Variants in CUL9 observed in about 807,000 individuals in gnomAD.
CUL9 encodes cullin-9.
CUL9 carries 79 observed loss-of-function variants against 272.6 expected under a neutral mutation model. The ratio of observed to expected loss-of-function variants is 0.29; its 90% CI spans 0.24 to 0.35. The LOEUF (loss-of-function observed/expected upper bound fraction) is 0.35, where lower values mean the gene tolerates loss of function less well. Ranked by LOEUF, CUL9 falls within the 10% of genes least tolerant of loss-of-function variation. The pLI is 1.00. For missense variants in CUL9, 2,532 were observed against 3,255.6 expected (o/e 0.78, Z 5.41); for synonymous variants, 1,186 against 1,286.5 (o/e 0.92, Z 1.67).
intron 2 of CUL9, 135 bp downstream of exon 2, chr6:43,185,040 A>G: frequency 1.4e-6 from 1 of 705,864 alleles, no homozygotes; most frequent in Non-Finnish European, 2.3e-6. Flanking sequence ...AGGAAAAAAT[A>G]TAGATTAATA....
intron 1 of CUL9, among the ~76,000 whole-genome samples, chr6:43,182,940 C>G (rs1431400062): frequency 2.0e-5 from 3 of 152,210 alleles, no homozygotes; most frequent in African/African-American, 4.8e-5. Context: ...CCTACCTTCT[C>G]CATCTAAGAA....
Position 43,184,985 on chromosome 6 carries a change from C to G in CUL9, c.595+80C>G, listed in dbSNP as rs41274930. 8.4e-6 allele frequency: 9 copies of G among 1,075,324 alleles called. No homozygotes were observed. The South Asian group carries it at 1.5e-4, about 17-fold the overall frequency. The allele number at this position is 1,075,324 out of a possible 1,614,324, so 66.6% of individuals were successfully genotyped here. ...ATAAGAAAGAGGAGAGATTTCCTAG[C>G]TCTGTAAGAACACCTAGTATTTGGT... On this transcript the variant is annotated intron_variant, in intron 2 of 40. Transcript: ENST00000252050. The surrounding 1 kb of genome is among the most constrained non-coding windows in gnomAD (Gnocchi z 4.8).
At chr6:43,190,678 G>A (rs1213967209) in intron 8 of CUL9, among the ~76,000 whole-genome samples, 1 of 152,014 alleles carries the variant, frequency 6.6e-6, no homozygotes, top group African/African-American at 2.4e-5. Flanking sequence ...CCATGGAAGG[G>A]GATATGTATT....
In CUL9 at chr6:43,187,840, C is replaced by T; in HGVS notation, c.1709C>T (p.Thr570Ile). ...LNDLLNSQIY[T>I]KYGLLSNEPS... ...GACCTGCTCAACTCCCAGATCTACA[C>T]CAAGTATGGGCTGCTGTCTAATGAA... Residue 570 changes from threonine (T) to isoleucine (I), a missense_variant, in exon 7 of 41, where the codon ACC (threonine) becomes ATC (isoleucine). Transcript: ENST00000252050. 6.2e-7 allele frequency: 1 copy of T among 1,614,010 alleles called. No homozygotes were observed. The highest frequency in any genetic ancestry group is 8.5e-7 in the Non-Finnish European group (1 of 1,179,998).
intron 31 of CUL9, among the ~76,000 whole-genome samples, chr6:43,219,855 G>C (rs1161737636): frequency 1.3e-5 from 2 of 152,166 alleles, no homozygotes; most frequent in Non-Finnish European, 2.9e-5. Context: ...GCCTGATTTA[G>C]GATGGGGGAG....
intron 8 of CUL9, among the ~76,000 whole-genome samples, chr6:43,191,481 A>ATTTTTTTTTTTTTTTTTTTTTTTTTT (rs34090146): frequency 5.7e-4 from 56 of 97,430 alleles, no homozygotes; most frequent in Middle Eastern, 5.5e-3. Context: ...CACCCAGCTA[A>ATTTTTTTTTTTTTTTTTTTTTTTTTT]TTTTTTTTTT....
In CUL9 at chr6:43,220,725, C is replaced by A. The variant is rs368071698; in HGVS notation, c.6424-22C>A. ...ATCCTGGAGAGCCATACCCTCACCTCGTGGCACCTGCGTCTCCACAGTATG... is the reference window on the plus strand; with the variant it reads ...ATCCTGGAGAGCCATACCCTCACCTAGTGGCACCTGCGTCTCCACAGTATG... On this transcript the variant is annotated intron_variant, in intron 32 of 40. Transcript: ENST00000252050. The surrounding 1 kb of genome is among the most constrained non-coding windows in gnomAD (Gnocchi z 4.9). 6.2e-7 allele frequency: 1 copy of A among 1,609,262 alleles called. No homozygotes were observed. The highest frequency in any genetic ancestry group is 8.5e-7 in the Non-Finnish European group (1 of 1,177,936).
chr6:43,207,033 G>A (rs763879377), intron 26 of CUL9, among the ~76,000 whole-genome samples: 4 of 152,006 alleles, frequency 2.6e-5, no homozygotes, highest in African/African-American at 9.7e-5. Flanking sequence ...TAGTAGTGAC[G>A]GGGTTTCACC....
intron 30 of CUL9, 80 bp from the exon 31 acceptor site, chr6:43,216,078 C>A: frequency 7.5e-7 from 1 of 1,340,378 alleles, no homozygotes. Context: ...AAAGAGGGAG[C>A]TGGGGGCCAG....
In CUL9 at chr6:43,218,224, T is replaced by C. The variant is rs141163187; in HGVS notation, c.6282+1721T>C. 8.0e-3 allele frequency among the ~76,000 whole-genome samples: 1,222 copies of C among 151,886 alleles called. 14 individuals are homozygous for C. Among genetic ancestry groups the C allele is most frequent in the African/African-American group, 0.028 (1,155 of 41,488 alleles). On this transcript the variant is annotated intron_variant, in intron 31 of 40. Transcript: ENST00000252050. The surrounding 1 kb of genome is among the most constrained non-coding windows in gnomAD (Gnocchi z 4.4). The stretch of plus-strand genomic sequence containing the variant: ...TATTTATTTATTTTTATTTTATTAT[T>C]ATTATTTTTTGAGATGGAGTCTCAC...
chr6:43,187,542 G>A, intron 6 of CUL9, 103 bp downstream of exon 6: 1 of 1,377,304 alleles, frequency 7.3e-7, no homozygotes, highest in Non-Finnish European at 1.0e-6. Flanking sequence ...GGAGGCTGGA[G>A]CTAGAGATTA....
Position 43,221,939 on chromosome 6 carries a change from T to C in CUL9, c.6846+161T>C, listed in dbSNP as rs1776401449. 4 of 634,326 alleles carry C rather than the reference T, an allele frequency of 6.3e-6. No individual in the cohort carries two copies. The East Asian group carries it at 1.1e-4, about 17-fold the overall frequency. The allele number at this position is 634,326 out of a possible 1,614,324, so 39.3% of individuals were successfully genotyped here. Reference sequence around the variant, plus strand: ...AGACAGAGCCACCTGGGCCTGCAGATGCTGGAAAGTCTGTTCACAGGGACC... The same window carrying C: ...AGACAGAGCCACCTGGGCCTGCAGACGCTGGAAAGTCTGTTCACAGGGACC... On this transcript the variant is annotated intron_variant, in intron 35 of 40. Transcript: ENST00000252050. This position sits in a 1 kb window ranked among gnomAD's most constrained non-coding sequence, Gnocchi z 4.2.
intron 20 of CUL9, 71 bp from the exon 21 acceptor site, chr6:43,204,289 C>T (rs1774869072): frequency 1.3e-6 from 2 of 1,550,130 alleles, no homozygotes; most frequent in Non-Finnish European, 1.8e-6. Flanking sequence ...TGATCTTTCT[C>T]CCTCCTCTGC....
chr6:43,205,753 C>T (rs755270121), intron 24 of CUL9, among the ~76,000 whole-genome samples: 5 of 150,648 alleles, frequency 3.3e-5, no homozygotes, highest in East Asian at 3.9e-4. Context: ...CTCTTGAACC[C>T]GGGAGGCAGA....
Position 43,215,184 on chromosome 6 carries a change from C to A in CUL9, c.5794C>A (p.His1932Asn). 6.2e-7 allele frequency: 1 copy of A among 1,614,244 alleles called. No individual in the cohort carries two copies. The highest frequency in any genetic ancestry group is 8.5e-7 in the Non-Finnish European group (1 of 1,180,052). The change falls in exon 30 of 41, where the codon CAC becomes AAC. Residue 1932 changes from histidine (H) to asparagine (N), a missense_variant. By Grantham distance (68) the His-to-Asn change is moderately conservative. Transcript: ENST00000252050. The stretch of plus-strand genomic sequence containing the variant: ...TACAGATGTCCTCTCTTGCATCCTG[C>A]ACCTCTTAGGCCAGGGCTACGTGAA... ...TSTDVLSCILHLLGQGYVKRR... is the reference protein window; with the variant it reads ...TSTDVLSCILNLLGQGYVKRR...
intron 35 of CUL9, 77 bp from the exon 36 acceptor site, chr6:43,222,239 A>T: frequency 8.6e-7 from 1 of 1,163,394 alleles, no homozygotes; most frequent in African/African-American, 1.5e-5. Flanking sequence ...GCCTCCGTGA[A>T]TGTTGGCTTT....
At chr6:43,186,511 GC>G in intron 4 of CUL9, 56 bp downstream of exon 4, 2 of 1,537,590 alleles carry the variant, frequency 1.3e-6, no homozygotes, top group South Asian at 2.5e-5. Context: ...GTGGGGTGTA[GC>G]TGGGACTTCA....
Position 43,204,789 on chromosome 6 carries a change from T to C in CUL9, c.4381T>C (p.Ser1461Pro). 1.9e-6 allele frequency: 3 copies of C among 1,614,220 alleles called. No homozygotes were observed. The highest frequency in any genetic ancestry group is 2.5e-6 in the Non-Finnish European group (3 of 1,180,036). The change falls in exon 22 of 41, where the codon TCG (serine) becomes CCG (proline). Residue 1461 changes from serine to proline, a missense_variant. By Grantham distance (74) the Ser-to-Pro change is moderately conservative (BLOSUM62 -1). Transcript: ENST00000252050. ...GGGTCGGGACCGGAGCCCGGCGCCT[T>C]CGCCAGTGCTTCCAAGCAGCAGCCT... ...SKGRDRSPAPSPVLPSSSLRN... is the reference protein window; with the variant it reads ...SKGRDRSPAPPPVLPSSSLRN...
At chr6:43,214,528 C>T (rs1429043145) in intron 29 of CUL9, among the ~76,000 whole-genome samples, 5 of 151,920 alleles carry the variant, frequency 3.3e-5, no homozygotes, top group African/African-American at 4.8e-5. Context: ...TGGCCGGGCG[C>T]GGTGGCTCAT....
Sources: allele counts gnomAD v4.1 joint callset (sites outside exome capture counted in the v4.1 genomes callset), GRCh38; gene constraint gnomAD v4.1.1; non-coding constraint Gnocchi (gnomAD v3.1); transcripts MANE v1.5; gene names NCBI Gene and HGNC (gene_info 2026-07-23, HGNC 2026-07-21).